Variants in CALN1 observed in about 807,000 individuals in gnomAD.
The protein encoded by CALN1 is calcium-binding protein 8.
In CALN1, 17 loss-of-function variants were observed where a neutral mutation model predicts 30.6. The ratio of observed to expected loss-of-function variants is 0.56; its 90% CI spans 0.38 to 0.83. The LOEUF (loss-of-function observed/expected upper bound fraction) is 0.83. Among genes scored for constraint, CALN1 ranks in the 40% least tolerant of loss-of-function variants. The pLI, the probability that CALN1 is intolerant of heterozygous loss-of-function variation, is 0.00. For synonymous variants in CALN1, 156 were observed against 131.4 expected (o/e 1.19, Z -1.28); for missense variants, 291 against 354.9 (o/e 0.82, Z 1.45).
In CALN1 at chr7:72,371,254, G is replaced by A. The variant is rs541097067; in HGVS notation, c.119+31997C>T. Among the ~76,000 whole-genome samples, 122 of 152,096 alleles carry A rather than the reference G, an allele frequency of 8.0e-4. 2 individuals carry two copies. Among genetic ancestry groups the A allele is most frequent in the African/African-American group, 2.7e-3 (112 of 41,486 alleles). On this transcript the variant is annotated intron_variant, in intron 2 of 6. Transcript: ENST00000395275. The stretch of plus-strand genomic sequence containing the variant: ...TGTGATCCATTTTGAATTAAGTTTT[G>A]TGAGATCTAAGGATTGAAGTATGTA...
At chr7:72,088,732 A>AGAAG (rs1325960842) in intron 4 of CALN1, among the ~76,000 whole-genome samples, 2 of 149,820 alleles carry the variant, frequency 1.3e-5, no homozygotes, top group African/African-American at 4.9e-5. Flanking sequence ...AGAAGAAAGA[A>AGAAG]GAAGGAAGGA....
chr7:72,187,690 T>C (rs78949838), intron 3 of CALN1, among the ~76,000 whole-genome samples: 3 of 152,324 alleles, frequency 2.0e-5, no homozygotes, highest in African/African-American at 7.2e-5. Flanking sequence ...GTCTAGGTGA[T>C]AGACCCATTT....
chr7:71,979,869 C>CTTTTTTTTTTT lies in CALN1; in HGVS notation c.501+43777_501+43787dup, dbSNP rs555621436. 1.1e-3 allele frequency among the ~76,000 whole-genome samples: 96 copies of CTTTTTTTTTTT among 89,682 alleles called. 6 individuals carry two copies. Among genetic ancestry groups the CTTTTTTTTTTT allele is most frequent in the African/African-American group, 4.0e-3 (93 of 23,540 alleles). 58.8% of individuals were successfully genotyped at this position (89,682 alleles called of 152,430 possible). ...ATAAAATCTCAGACACATCAGGATTCTTTTTTTTTTTTTTTTTTTTTTTTT... is the reference window on the plus strand; with the variant it reads ...ATAAAATCTCAGACACATCAGGATTCTTTTTTTTTTTTTTTTTTTTTTTTTTTTTTTTTTTT... On this transcript the variant is annotated intron_variant, in intron 5 of 6. Transcript: ENST00000395275.
At chr7:72,044,997 T>G (rs1802379219) in intron 4 of CALN1, among the ~76,000 whole-genome samples, 1 of 152,298 alleles carries the variant, frequency 6.6e-6, no homozygotes, top group Non-Finnish European at 1.5e-5. Context: ...TAATCTTGAC[T>G]TCAGGATTAA....
At chr7:72,209,293 CTTCCCTCT>C (rs1396464668) in intron 3 of CALN1, among the ~76,000 whole-genome samples, 49 of 106,974 alleles carry the variant, frequency 4.6e-4, no homozygotes, top group African/African-American at 8.7e-4. Context: ...TCCTTCCCTC[CTTCCCTCT>C]TTCCTTCCCT....
At chr7:72,453,454 A>C in the CALN1 span, among the ~76,000 whole-genome samples, 3 of 152,208 alleles carry the variant, frequency 2.0e-5, no homozygotes, top group Non-Finnish European at 2.9e-5. Flanking sequence ...TAACTTCTGG[A>C]TGTTGCCATG....
chr7:71,883,231 G>A (rs1454465750), intron 5 of CALN1, among the ~76,000 whole-genome samples: 11 of 151,950 alleles, frequency 7.2e-5, no homozygotes, highest in Non-Finnish European at 1.6e-4. Context: ...AAGAGTTTGT[G>A]GCACAAAATA....
intron 3 of CALN1, among the ~76,000 whole-genome samples, chr7:72,204,364 A>C (rs1006932993): frequency 1.3e-5 from 2 of 151,918 alleles, no homozygotes; most frequent in South Asian, 4.2e-4. Flanking sequence ...GCCTTTGTTC[A>C]TAATGTATCA....
chr7:72,326,852 C>T (rs2129557731), intron 2 of CALN1, among the ~76,000 whole-genome samples: 1 of 152,240 alleles, frequency 6.6e-6, no homozygotes, highest in East Asian at 1.9e-4. Flanking sequence ...GCACATGTCA[C>T]TCAGTCTCTC....
chr7:72,445,106 A>AC (rs1491510644), intron 1 of CALN1, among the ~76,000 whole-genome samples: 6 of 145,234 alleles, frequency 4.1e-5, no homozygotes, highest in African/African-American at 7.8e-5. Flanking sequence ...ACACACACAC[A>AC]ACATTAAGTT....
chr7:71,919,576 A>G (rs2117045409), intron 5 of CALN1, among the ~76,000 whole-genome samples: 1 of 152,334 alleles, frequency 6.6e-6, no homozygotes, highest in South Asian at 2.1e-4. Flanking sequence ...AGTAGCTATA[A>G]CAGAACAATG....
intron 2 of CALN1, among the ~76,000 whole-genome samples, chr7:72,386,408 G>A (rs1178604881): frequency 1.3e-5 from 2 of 152,102 alleles, no homozygotes; most frequent in East Asian, 3.9e-4. Context: ...TCACTGCAAA[G>A]GAACTATACA....
intron 5 of CALN1, among the ~76,000 whole-genome samples, chr7:71,973,034 GTTCT>G (rs143131525): frequency 0.059 from 8,930 of 152,200 alleles, 353 homozygotes; most frequent in Admixed American, 0.12. Context: ...TGGAGGGTGG[GTTCT>G]TTGAGGGCAA....
intron 3 of CALN1, among the ~76,000 whole-genome samples, chr7:72,183,064 T>C (rs180936442): frequency 3.3e-5 from 5 of 152,196 alleles, no homozygotes; most frequent in Admixed American, 2.0e-4. Flanking sequence ...GGGGTGTTTG[T>C]TGTTTGTCTG....
intron 5 of CALN1, among the ~76,000 whole-genome samples, chr7:71,969,704 G>C (rs1047964186): frequency 8.5e-5 from 13 of 152,168 alleles, no homozygotes; most frequent in African/African-American, 3.1e-4. Context: ...AAGAGAGACA[G>C]TGAAAACACA....
chr7:71,813,544 C>G (rs770511666), intron 5 of CALN1, among the ~76,000 whole-genome samples: 2 of 152,064 alleles, frequency 1.3e-5, no homozygotes, highest in Non-Finnish European at 2.9e-5. Context: ...CTGATTGGAG[C>G]CAGATAAAAA....
At chr7:72,223,385 A>G (rs1220030907) in intron 3 of CALN1, among the ~76,000 whole-genome samples, 2 of 152,174 alleles carry the variant, frequency 1.3e-5, no homozygotes, top group Non-Finnish European at 2.9e-5. Flanking sequence ...AACCAGCATG[A>G]GGAAATCGTG....
intron 2 of CALN1, among the ~76,000 whole-genome samples, chr7:72,399,964 T>C (rs1806228434): frequency 6.6e-6 from 1 of 152,196 alleles, no homozygotes; most frequent in South Asian, 2.1e-4. Context: ...TCTCTCCATA[T>C]GACATGCCTG....
intron 5 of CALN1, among the ~76,000 whole-genome samples, chr7:71,854,392 A>AGAAT (rs1790822994): frequency 6.6e-6 from 1 of 152,104 alleles, no homozygotes; most frequent in African/African-American, 2.4e-5. Flanking sequence ...AAAGAAAGAA[A>AGAAT]GAAGGAAAGA....
Sources: allele counts gnomAD v4.1 joint callset (sites outside exome capture counted in the v4.1 genomes callset), GRCh38; gene constraint gnomAD v4.1.1; transcripts MANE v1.5; gene names NCBI Gene and HGNC (gene_info 2026-07-23, HGNC 2026-07-21).